Variants in PTPRD observed in about 807,000 individuals in gnomAD.
The protein encoded by PTPRD is receptor-type tyrosine-protein phosphatase delta.
A neutral mutation model predicts 214.5 loss-of-function variants in PTPRD; 34 were observed. That is an observed-to-expected ratio of 0.16 (90% CI 0.12 to 0.21). PTPRD has a LOEUF of 0.21. PTPRD is among the 10% of genes least tolerant of loss of function. The pLI, the probability that PTPRD is intolerant of heterozygous loss-of-function variation, is 1.00. For synonymous variants in PTPRD, 1,128 were observed against 845.7 expected, an observed-to-expected ratio of 1.33 and a Z score of -5.79; for missense variants, 2,545 against 2,398.7, an observed-to-expected ratio of 1.06 and a Z score of -1.27.
At chr9:10,241,707 T>C (rs965838687) in intron 3 of PTPRD, among the ~76,000 whole-genome samples, 4 of 151,932 alleles carry the variant, frequency 2.6e-5, no homozygotes, top group Non-Finnish European at 5.9e-5. Context: ...GGAACGGTTA[T>C]TATAAAGGGG....
intron 8 of PTPRD, among the ~76,000 whole-genome samples, chr9:9,431,111 C>G (rs1302121069): frequency 6.6e-6 from 1 of 152,178 alleles, no homozygotes; most frequent in East Asian, 1.9e-4. Flanking sequence ...TCAGAGTGAA[C>G]AGGCAACCTA....
chr9:9,924,513 A>G (rs753131875), intron 5 of PTPRD, among the ~76,000 whole-genome samples: 2 of 152,074 alleles, frequency 1.3e-5, no homozygotes, highest in Non-Finnish European at 2.9e-5. Context: ...CAAAAGCCCT[A>G]AAGTCATTTC....
At chr9:8,387,396 G>C (rs1388233596) in intron 37 of PTPRD, among the ~76,000 whole-genome samples, 1 of 152,150 alleles carries the variant, frequency 6.6e-6, no homozygotes, top group African/African-American at 2.4e-5. Flanking sequence ...AGGGAGAAAA[G>C]GGGCAGAATT....
intron 9 of PTPRD, among the ~76,000 whole-genome samples, chr9:9,256,315 A>C (rs932432180): frequency 9.2e-5 from 14 of 151,886 alleles, no homozygotes; most frequent in Non-Finnish European, 1.8e-4. Context: ...AATATATACA[A>C]ATCACATTAT....
At chr9:8,896,081 CAG>C (rs895679934) in intron 11 of PTPRD, among the ~76,000 whole-genome samples, 4 of 152,148 alleles carry the variant, frequency 2.6e-5, no homozygotes, top group African/African-American at 9.7e-5. Context: ...CTCCACACAT[CAG>C]AGTGTTGACA....
chr9:10,118,785 G>C (rs2098751305), intron 3 of PTPRD, among the ~76,000 whole-genome samples: 1 of 151,314 alleles, frequency 6.6e-6, no homozygotes, highest in Non-Finnish European at 1.5e-5. Context: ...ATTTGATGTT[G>C]AGTTCTAGGC....
intron 10 of PTPRD, among the ~76,000 whole-genome samples, chr9:9,150,574 A>G (rs2381967): frequency 0.71 from 106,938 of 150,722 alleles, 38,174 homozygotes; most frequent in African/African-American, 0.77. Flanking sequence ...AGCAAACTCC[A>G]CCTTCTGGGT....
At chr9:9,686,275 T>C (rs936868079) in intron 7 of PTPRD, among the ~76,000 whole-genome samples, 27 of 140,938 alleles carry the variant, frequency 1.9e-4, no homozygotes, top group African/African-American at 6.9e-4. Context: ...TCCTCTCATA[T>C]TTGAGATGTA....
intron 3 of PTPRD, among the ~76,000 whole-genome samples, chr9:10,140,101 T>A (rs2382193): frequency 0.23 from 34,729 of 151,886 alleles, 4,190 homozygotes; most frequent in South Asian, 0.39. Flanking sequence ...GAAGAAGCTC[T>A]GACAATCTGT....
At chr9:8,808,077 CT>C (rs1390606009) in intron 11 of PTPRD, among the ~76,000 whole-genome samples, 4 of 152,170 alleles carry the variant, frequency 2.6e-5, no homozygotes, top group African/African-American at 7.2e-5. Context: ...TGATTTCCCC[CT>C]GCTCTTCATC....
intron 3 of PTPRD, among the ~76,000 whole-genome samples, chr9:10,194,722 G>A (rs1032212539): frequency 1.1e-4 from 16 of 152,048 alleles, no homozygotes; most frequent in Admixed American, 9.8e-4. Flanking sequence ...GAACATTAAA[G>A]AGAATATGAA....
In PTPRD at chr9:9,368,207, A is replaced by G. The variant is rs140769125; in HGVS notation, c.-203+29242T>C. Among the ~76,000 whole-genome samples, 1,365 of 151,624 alleles carry G rather than the reference A, an allele frequency of 9.0e-3. 26 individuals carry two copies. Among genetic ancestry groups the G allele is most frequent in the African/African-American group, 0.032 (1,303 of 41,262 alleles). ...TCCTACTTCTTCCACTTATTAACCA[A>G]GTGACCCTAGTAAATTCACTTAACA... On this transcript the variant is annotated intron_variant, in intron 9 of 45. Coordinates refer to ENST00000381196, the MANE Select transcript of PTPRD (RefSeq NM_002839.4).
intron 2 of PTPRD, among the ~76,000 whole-genome samples, chr9:10,562,535 G>C (rs749755336): frequency 9.9e-5 from 15 of 151,912 alleles, no homozygotes; most frequent in Non-Finnish European, 2.1e-4. Flanking sequence ...TTTAATAATA[G>C]AAACATCTTG....
rs141940055 is a variant in PTPRD, at chr9:8,360,111, G to T, written c.4661+15825C>A. On this transcript the variant is annotated intron_variant, in intron 39 of 45. Coordinates refer to ENST00000381196, the MANE Select transcript of PTPRD (RefSeq NM_002839.4). Reference sequence around the variant, plus strand: ...TTCTTAGATAAAATGACGAGATATAGTTACAAAATAAATGAGTTGTTTCTG... The same window carrying T: ...TTCTTAGATAAAATGACGAGATATATTTACAAAATAAATGAGTTGTTTCTG... Among the ~76,000 whole-genome samples, 148 of 152,236 alleles carry T rather than the reference G, an allele frequency of 9.7e-4. 1 individual carries two copies. The highest frequency in any genetic ancestry group is 3.4e-3 in the African/African-American group (141 of 41,534).
intron 7 of PTPRD, among the ~76,000 whole-genome samples, chr9:9,591,528 T>C (rs982737363): frequency 6.6e-6 from 1 of 152,012 alleles, no homozygotes; most frequent in Non-Finnish European, 1.5e-5. Flanking sequence ...TACAGAACTA[T>C]GACATAGTAA....
At chr9:10,134,740 C>T (rs764774059) in intron 3 of PTPRD, among the ~76,000 whole-genome samples, 6 of 151,874 alleles carry the variant, frequency 4.0e-5, no homozygotes, top group Admixed American at 1.3e-4. Context: ...AAAGCAACTG[C>T]GAAAAGATAA....
chr9:10,023,971 C>G lies in PTPRD; in HGVS notation c.-472+9747G>C, dbSNP rs1049622133. ...CAATGACAGCTTTAATTGATATGCT[C>G]TAATTATTTTGGTTTAAATTAAATA... On this transcript the variant is annotated intron_variant, in intron 4 of 45. Coordinates refer to ENST00000381196, the MANE Select transcript of PTPRD (RefSeq NM_002839.4). Among the ~76,000 whole-genome samples the G allele has an allele frequency of 3.3e-5, 5 of 149,798 alleles. No individual in the cohort carries two copies. The East Asian group carries it at 7.9e-4, about 24-fold the overall frequency.
intron 9 of PTPRD, among the ~76,000 whole-genome samples, chr9:9,395,457 A>C (rs1166892417): frequency 6.6e-6 from 1 of 152,130 alleles, no homozygotes; most frequent in Non-Finnish European, 1.5e-5. Context: ...TTCACAGTTG[A>C]TTCTGATATG....
intron 11 of PTPRD, among the ~76,000 whole-genome samples, chr9:8,920,090 TAGC>T (rs2098816842): frequency 6.6e-6 from 1 of 152,058 alleles, no homozygotes; most frequent in Non-Finnish European, 1.5e-5. Context: ...GCTGTAATCC[TAGC>T]ACTTTGGGAG....
Sources: gnomAD v4.1 joint callset for allele counts (sites outside exome capture counted in the v4.1 genomes callset) on GRCh38, gnomAD v4.1.1 for gene constraint, MANE v1.5 for transcripts, NCBI Gene and HGNC (gene_info 2026-07-23, HGNC 2026-07-21) for gene names.